GRM8: variants seen among roughly 807,000 people sequenced by gnomAD.
The protein encoded by GRM8 is glutamate metabotropic receptor 8.
GRM8 carries 47 observed loss-of-function variants against 87.2 expected under a neutral mutation model. That is an observed-to-expected ratio of 0.54 (90% CI 0.43 to 0.69). The LOEUF is 0.69. GRM8 is among the 30% of genes least tolerant of loss of function. GRM8 has a pLI of 0.00. For missense variants in GRM8, 1,019 were observed against 1,139.2 expected (o/e 0.89, Z 1.52); for synonymous variants, 396 against 404.5 (o/e 0.98, Z 0.25).
intron 9 of GRM8, among the ~76,000 whole-genome samples, chr7:126,498,985 G>A (rs1244402026): frequency 6.6e-6 from 1 of 151,754 alleles, no homozygotes; most frequent in Non-Finnish European, 1.5e-5. Context: ...TATTTATTTT[G>A]TTACTAGATA....
At chr7:127,163,404 C>T (rs999947268) in intron 2 of GRM8, among the ~76,000 whole-genome samples, 1 of 152,226 alleles carries the variant, frequency 6.6e-6, no homozygotes, top group African/African-American at 2.4e-5. Flanking sequence ...AAGGCCACAG[C>T]TCCTGCCTGG....
At position 126,994,983 on chromosome 7, in the gene GRM8, AGTG is replaced by A. The variant is rs1164139840; in HGVS notation, c.728-90303_728-90301del. Among the ~76,000 whole-genome samples, 3 of 151,898 alleles carry A rather than the reference AGTG, an allele frequency of 2.0e-5. No individual in the cohort carries two copies. In the East Asian group the frequency reaches 5.8e-4, roughly 29 times the overall value. On this transcript the variant is annotated intron_variant, in intron 3 of 10. Transcript: ENST00000339582. Reference sequence around the variant, plus strand: ...TTCAGGTCTGACCTGGGATAGTCCCAGTGGTGGTGGCCACAGGGGTGCTTGAAT... The same window carrying A: ...TTCAGGTCTGACCTGGGATAGTCCCAGTGGTGGCCACAGGGGTGCTTGAAT...
intron 3 of GRM8, among the ~76,000 whole-genome samples, chr7:126,936,244 A>G (rs1229245506): frequency 1.3e-5 from 2 of 152,120 alleles, no homozygotes; most frequent in African/African-American, 4.8e-5. Context: ...TTTTCTTAAA[A>G]CTCAACTCAC....
chr7:126,487,424 G>A (rs948513417), intron 9 of GRM8, among the ~76,000 whole-genome samples: 2 of 151,786 alleles, frequency 1.3e-5, no homozygotes, highest in East Asian at 1.9e-4. Flanking sequence ...GCCACCACAC[G>A]AGACGGAAGT....
chr7:127,238,306 A>ATGTGTG (rs3039798), intron 2 of GRM8, among the ~76,000 whole-genome samples: 240 of 146,864 alleles, frequency 1.6e-3, no homozygotes, highest in African/African-American at 3.5e-3. Context: ...GTGTGTGTGC[A>ATGTGTG]TGTGTGTGTG....
chr7:126,971,049 G>A (rs1305280028), intron 3 of GRM8, among the ~76,000 whole-genome samples: 2 of 150,258 alleles, frequency 1.3e-5, no homozygotes, highest in South Asian at 2.1e-4. Context: ...TTGAAATATC[G>A]GGAAAATTAC....
Position 126,531,159 on chromosome 7 carries a change from C to T in GRM8, c.2430+1793G>A, listed in dbSNP as rs143138518. Among the ~76,000 whole-genome samples the T allele has an allele frequency of 1.2e-3, 187 of 152,262 alleles. 2 individuals are homozygous for T. Among genetic ancestry groups the T allele is most frequent in the African/African-American group, 4.3e-3 (179 of 41,550 alleles). On this transcript the variant is annotated intron_variant, in intron 9 of 10. Coordinates refer to ENST00000339582, the MANE Select transcript of GRM8 (RefSeq NM_000845.3). ...AAGTACCTCAGTACCAAAATCTTAG[C>T]TATTTATAATATGATAGCCCTTGAT...
chr7:126,806,357 G>A (rs1792709480), intron 6 of GRM8, among the ~76,000 whole-genome samples: 1 of 152,236 alleles, frequency 6.6e-6, no homozygotes. Context: ...TTACAGCTCA[G>A]AAAGCTGGCA....
At chr7:126,584,349 T>A (rs979334213) in intron 8 of GRM8, among the ~76,000 whole-genome samples, 1 of 152,026 alleles carries the variant, frequency 6.6e-6, no homozygotes, top group African/African-American at 2.4e-5. Context: ...CTCAGCCTCC[T>A]GAGTACCTAG....
At chr7:126,641,374 C>T (rs1293656274) in intron 7 of GRM8, among the ~76,000 whole-genome samples, 1 of 152,126 alleles carries the variant, frequency 6.6e-6, no homozygotes, top group Non-Finnish European at 1.5e-5. Context: ...AAAAGAAACT[C>T]ACTATGAGTA....
chr7:127,085,015 C>T (rs1823322703), intron 3 of GRM8, among the ~76,000 whole-genome samples: 1 of 152,118 alleles, frequency 6.6e-6, no homozygotes, highest in Non-Finnish European at 1.5e-5. Flanking sequence ...GCCCTGTGTC[C>T]AAGTATTCTC....
intron 1 of GRM8, among the ~76,000 whole-genome samples, chr7:127,251,412 C>T (rs1171785428): frequency 6.6e-6 from 1 of 152,134 alleles, no homozygotes; most frequent in Non-Finnish European, 1.5e-5. Flanking sequence ...AGCTTTCTGG[C>T]TGGGCGGATG....
chr7:127,072,509 C>T (rs1483704031), intron 3 of GRM8, among the ~76,000 whole-genome samples: 1 of 152,040 alleles, frequency 6.6e-6, no homozygotes, highest in African/African-American at 2.4e-5. Context: ...ATCTCTGAAA[C>T]TTTTTAGCAT....
chr7:126,776,669 A>T (rs1009422061), intron 6 of GRM8, among the ~76,000 whole-genome samples: 1 of 152,200 alleles, frequency 6.6e-6, no homozygotes, highest in African/African-American at 2.4e-5. Flanking sequence ...CACCTTATGC[A>T]ATGTTGCAGT....
chr7:127,168,190 G>T (rs141663880), intron 2 of GRM8, among the ~76,000 whole-genome samples: 17 of 152,240 alleles, frequency 1.1e-4, no homozygotes, highest in African/African-American at 4.1e-4. Flanking sequence ...CAAAAAGTGG[G>T]CAAAGGATAT....
At chr7:126,926,898 T>C (rs1489766037) in intron 3 of GRM8, among the ~76,000 whole-genome samples, 1 of 152,350 alleles carries the variant, frequency 6.6e-6, no homozygotes, top group African/African-American at 2.4e-5. Flanking sequence ...ATTTATTCCA[T>C]TGCACTGTGT....
chr7:126,591,615 T>G (rs1191769633), intron 8 of GRM8, among the ~76,000 whole-genome samples: 2 of 151,946 alleles, frequency 1.3e-5, no homozygotes, highest in African/African-American at 4.8e-5. Context: ...CCCAAACCTG[T>G]GGGATACAAC....
intron 6 of GRM8, among the ~76,000 whole-genome samples, chr7:126,805,175 T>C (rs1018018325): frequency 7.2e-5 from 11 of 152,198 alleles, no homozygotes; most frequent in African/African-American, 2.7e-4. Flanking sequence ...ACCTTCTTAA[T>C]GACTGTCAGC....
chr7:127,072,344 C>T (rs1030211704), intron 3 of GRM8, among the ~76,000 whole-genome samples: 7 of 152,178 alleles, frequency 4.6e-5, no homozygotes, highest in African/African-American at 1.7e-4. Context: ...ATGTGCGCCC[C>T]TCTTCCAATA....
Sources: gnomAD v4.1 joint callset for allele counts (sites outside exome capture counted in the v4.1 genomes callset) on GRCh38, gnomAD v4.1.1 for gene constraint, MANE v1.5 for transcripts, NCBI Gene and HGNC (gene_info 2026-07-23, HGNC 2026-07-21) for gene names.